CASC3: variants seen among roughly 807,000 people sequenced by gnomAD.
CASC3 encodes the protein CASC3 exon junction complex subunit.
In CASC3, 30 loss-of-function variants were observed where a neutral mutation model predicts 80.5. The ratio of observed to expected loss-of-function variants is 0.37; its 90% CI spans 0.28 to 0.51. The LOEUF is 0.51. CASC3 is among the 20% of genes least tolerant of loss of function. The pLI is 0.94. For synonymous variants in CASC3, 312 were observed against 333.6 expected (o/e 0.94, Z 0.70); for missense variants, 824 against 922.2 (o/e 0.89, Z 1.38).
rs977549122 is a variant in CASC3 at position 40,171,534 on chromosome 17, C to T, written c.*1129C>T. ...TTTTAGATGTTACTACCTTATTTTC[C>T]CCGAATTCTATTTTTGTCCTTGCAG... On this transcript the variant is annotated 3_prime_UTR_variant, in exon 14 of 14. Transcript: ENST00000264645. 1 of 989,148 alleles carries T rather than the reference C, an allele frequency of 1.0e-6. No homozygotes were observed. Among genetic ancestry groups the T allele is most frequent in the African/African-American group, 1.7e-5 (1 of 57,372 alleles). The allele number at this position is 989,148 out of a possible 1,614,324, so 61.3% of individuals were successfully genotyped here.
At chr17:40,149,095 C>T (rs1988931507) in intron 3 of CASC3, among the ~76,000 whole-genome samples, 1 of 151,784 alleles carries the variant, frequency 6.6e-6, no homozygotes, top group African/African-American at 2.4e-5. Flanking sequence ...AGGCTGGTCT[C>T]GAACTCCTGG....
At chr17:40,159,527 G>A (rs940375934) in intron 3 of CASC3, among the ~76,000 whole-genome samples, 2 of 147,496 alleles carry the variant, frequency 1.4e-5, no homozygotes, top group African/African-American at 2.5e-5. Flanking sequence ...AGGCACGCAC[G>A]CATCAGTTCA....
Position 40,167,241 on chromosome 17 carries a change from G to A in CASC3, c.1537-257G>A, listed in dbSNP as rs998113602. On this transcript the variant is annotated intron_variant, in intron 8 of 13. Transcript: ENST00000264645. ...CCCAAAGTATTGGGATTACAGGCATGAGCCACCACGCCCGGCCAAGATAAA... is the reference window on the plus strand; with the variant it reads ...CCCAAAGTATTGGGATTACAGGCATAAGCCACCACGCCCGGCCAAGATAAA... 43 of 543,220 alleles carry A rather than the reference G, an allele frequency of 7.9e-5. No individual in the cohort carries two copies. The Admixed American group carries it at 1.3e-3, about 16-fold the overall frequency. 33.6% of individuals were successfully genotyped at this position (543,220 alleles called of 1,614,324 possible).
At chr17:40,160,653 T>G (rs1186054532) in intron 3 of CASC3, among the ~76,000 whole-genome samples, 1 of 152,178 alleles carries the variant, frequency 6.6e-6, no homozygotes, top group Non-Finnish European at 1.5e-5. Flanking sequence ...GTTTTGCTTT[T>G]TCGAGATGGA....
intron 7 of CASC3, among the ~76,000 whole-genome samples, chr17:40,165,926 T>C (rs772933726): frequency 5.3e-5 from 8 of 151,594 alleles, no homozygotes; most frequent in Non-Finnish European, 1.0e-4. Context: ...TCATTACACC[T>C]GGCTGATTTT....
intron 7 of CASC3, among the ~76,000 whole-genome samples, chr17:40,164,521 C>G (rs1431454797): frequency 6.6e-6 from 1 of 151,248 alleles, no homozygotes; most frequent in Admixed American, 6.6e-5. Context: ...GATCTCGGCT[C>G]ACTGTAATGT....
rs1989501514 is a variant in CASC3, at chr17:40,168,220, A to C, written c.1768A>C (p.Thr590Pro). The C allele has an allele frequency of 1.9e-6, 3 of 1,613,952 alleles. No homozygotes were observed. In the East Asian group the frequency reaches 6.7e-5, roughly 36 times the overall value. The change falls in exon 11 of 14, where the codon ACA (threonine) becomes CCA (proline). Residue 590 changes from threonine (T) to proline (P), a missense_variant. By Grantham distance (38) the Thr-to-Pro change is conservative. Around this residue, in one of 3 missense-constraint regions of CASC3, gnomAD observed 464 missense variants for 506.0 expected, o/e 0.92. Coordinates refer to ENST00000264645, the MANE Select transcript of CASC3 (RefSeq NM_007359.5). ...TTATCCAGGTTTACATCCCCACCAGACACCAGCTCCTCTGCCCAATCCAGG... is the reference window on the plus strand; with the variant it reads ...TTATCCAGGTTTACATCCCCACCAGCCACCAGCTCCTCTGCCCAATCCAGG... Reference protein sequence around the residue: ...LPHPGLHPHQTPAPLPNPGLY... With the variant: ...LPHPGLHPHQPPAPLPNPGLY...
Position 40,161,982 on chromosome 17 carries a change from TC to T in CASC3, c.457-17del. 6.2e-7 allele frequency: 1 copy of T among 1,612,522 alleles called. No individual in the cohort carries two copies. The highest frequency in any genetic ancestry group is 8.5e-7 in the Non-Finnish European group (1 of 1,179,354). The stretch of plus-strand genomic sequence containing the variant: ...TTCTTGAGGCTTGGAAGAGTAAGGA[TC>T]CCTTTATCTGTCCTCTAGGAGAGCA... On this transcript the variant is annotated intron_variant, in intron 4 of 13. Coordinates refer to ENST00000264645, the MANE Select transcript of CASC3 (RefSeq NM_007359.5).
rs992022231 is a variant in CASC3 at position 40,144,680 on chromosome 17, T to TA, written c.297+3079dup. ...CCTCTTTTTTTTTTTTTTTTTTTTT[T>TA]AAAAAAGAGGCAGGGTCTCACTCTG... On this transcript the variant is annotated intron_variant, in intron 3 of 13. Transcript: ENST00000264645. 4.8e-4 allele frequency among the ~76,000 whole-genome samples: 66 copies of TA among 138,786 alleles called. No individual in the cohort carries two copies. In the East Asian group the frequency reaches 0.01, roughly 22 times the overall value. 91.0% of individuals were successfully genotyped at this position (138,786 alleles called of 152,430 possible).
chr17:40,151,981 A>G (rs1482972513), intron 3 of CASC3, among the ~76,000 whole-genome samples: 1 of 152,206 alleles, frequency 6.6e-6, no homozygotes, highest in Non-Finnish European at 1.5e-5. Context: ...TAACACATAC[A>G]GTGTGGCATC....
In CASC3 at chr17:40,171,164, G is replaced by T; in HGVS notation, c.*759G>T. ...TTCTCTTTGACTTAGGTTTTTAGGA[G>T]TCTGAGCATCCATCAATACCTGTAC... On this transcript the variant is annotated 3_prime_UTR_variant, in exon 14 of 14. Transcript: ENST00000264645. 2.0e-6 allele frequency: 2 copies of T among 986,004 alleles called. No individual in the cohort carries two copies. The highest frequency in any genetic ancestry group is 2.4e-6 in the Non-Finnish European group (2 of 829,976). 61.1% of individuals were successfully genotyped at this position (986,004 alleles called of 1,614,324 possible). A position where few individuals can be genotyped will look rare whatever the true frequency, so the allele number is the denominator to read the frequency against.
chr17:40,161,721 A>T lies in CASC3; in HGVS notation c.298-32A>T, dbSNP rs771112565. On this transcript the variant is annotated intron_variant, in intron 3 of 13. Transcript: ENST00000264645. ...AATTAAAATGCACCGTTCAGATCTT[A>T]TATGCATCGCTGACAGGGAAACTTT... The T allele has an allele frequency of 5.0e-6, 8 of 1,602,946 alleles. No homozygotes were observed. In the African/African-American group the frequency reaches 9.4e-5, roughly 19 times the overall value.
chr17:40,166,335 C>T (rs1989448866), intron 7 of CASC3, among the ~76,000 whole-genome samples: 1 of 152,136 alleles, frequency 6.6e-6, no homozygotes, highest in South Asian at 2.1e-4. Flanking sequence ...GTCATTTTAG[C>T]CAGAGGAGAA....
At chr17:40,140,947 A>T in intron 1 of CASC3, 168 bp downstream of exon 1, 1 of 646,756 alleles carries the variant, frequency 1.5e-6, no homozygotes, top group Non-Finnish European at 2.6e-6. Context: ...CCGGAGTTCC[A>T]AGGGAAGAAG....
rs748999365 is a variant in CASC3 at position 40,140,563 on chromosome 17, G to A, written c.15G>A (p.Arg5=). MADR[R]RQRASQDTED... ...TTCTCCGTAAGATGGCGGACCGGCGGCGGCAGCGCGCTTCGCAAGACACCG... is the reference window on the plus strand; with the variant it reads ...TTCTCCGTAAGATGGCGGACCGGCGACGGCAGCGCGCTTCGCAAGACACCG... Residue 5 remains arginine (R), a synonymous_variant, in exon 1 of 14, where the codon CGG becomes CGA. Transcript: ENST00000264645. 4.4e-6 allele frequency: 7 copies of A among 1,608,250 alleles called. No individual in the cohort carries two copies. Among genetic ancestry groups the A allele is most frequent in the African/African-American group, 4.0e-5 (3 of 74,944 alleles).
chr17:40,163,959 G>A lies in CASC3; in HGVS notation c.1264G>A (p.Glu422Lys), dbSNP rs748828823. ...TKVGDAVKLA[E>K]EVPPPPEGLI... ...AGTTGGAGATGCAGTCAAGCTTGCAGAGGAGGTGCCCCCTCCTCCTGAAGG... is the reference window on the plus strand; with the variant it reads ...AGTTGGAGATGCAGTCAAGCTTGCAAAGGAGGTGCCCCCTCCTCCTGAAGG... Residue 422 changes from glutamate to lysine, a missense_variant, in exon 7 of 14, where the codon GAG becomes AAG. Transcript: ENST00000264645. 6.2e-7 allele frequency: 1 copy of A among 1,614,146 alleles called. No homozygotes were observed. Among genetic ancestry groups the A allele is most frequent in the South Asian group, 1.1e-5 (1 of 91,084 alleles).
At chr17:40,169,270 A>G in intron 11 of CASC3, 54 bp from the exon 12 acceptor site, 1 of 1,455,718 alleles carries the variant, frequency 6.9e-7, no homozygotes, top group South Asian at 1.5e-5. Flanking sequence ...TGTTCATCAT[A>G]GGTTGGATGA....
At chr17:40,141,663 T>C in intron 3 of CASC3, 56 bp downstream of exon 3, 1 of 1,293,032 alleles carries the variant, frequency 7.7e-7, no homozygotes, top group Non-Finnish European at 1.1e-6. Flanking sequence ...TTTAAAAACG[T>C]GTACACACCT....
rs1989340361 is a variant in CASC3, at chr17:40,162,921, T to C, written c.785+20T>C. The C allele has an allele frequency of 6.2e-7, 1 of 1,610,242 alleles. No individual in the cohort carries two copies. ...ACCCCGGTGAGGACATTTTAGAACA[T>C]AAGACCAGGCTGGGTATGGTGGCTT... On this transcript the variant is annotated intron_variant, in intron 6 of 13. Transcript: ENST00000264645.
Sources: allele counts gnomAD v4.1 joint callset (sites outside exome capture counted in the v4.1 genomes callset), GRCh38; gene constraint gnomAD v4.1.1; regional missense constraint gnomAD v4.1.1; transcripts MANE v1.5; gene names NCBI Gene and HGNC (gene_info 2026-07-23, HGNC 2026-07-21).